ATP10B: variants seen among roughly 807,000 people sequenced by gnomAD.
The protein encoded by ATP10B is phospholipid-transporting ATPase VB.
Under a neutral mutation model 141.2 loss-of-function variants are expected in ATP10B, and 122 were observed. The observed-to-expected ratio is 0.86, with a 90% CI of 0.75 to 1.00. The LOEUF (loss-of-function observed/expected upper bound fraction) is 1.00. Ranked by LOEUF, ATP10B falls within the 50% of genes least tolerant of loss-of-function variation. The pLI is 0.00. For synonymous variants in ATP10B, 685 were observed against 692.0 expected, an observed-to-expected ratio of 0.99 and a Z score of 0.16; for missense variants, 1,876 against 1,825.3, an observed-to-expected ratio of 1.03 and a Z score of -0.51.
At chr5:160,646,047 T>G (rs1213202173) in intron 8 of ATP10B, among the ~76,000 whole-genome samples, 1 of 152,194 alleles carries the variant, frequency 6.6e-6, no homozygotes, top group African/African-American at 2.4e-5. Context: ...TGACTCTTTG[T>G]GGTCTGGGAA....
chr5:160,811,918 G>A (rs1365358112), intron 1 of ATP10B, among the ~76,000 whole-genome samples: 1 of 152,074 alleles, frequency 6.6e-6, no homozygotes, highest in Admixed American at 6.6e-5. Context: ...CTTCATGTCT[G>A]ACCCAGTGCA....
At chr5:160,894,917 A>T in the ATP10B span, among the ~76,000 whole-genome samples, 1 of 152,250 alleles carries the variant, frequency 6.6e-6, no homozygotes, top group Admixed American at 6.5e-5. Context: ...CTTAAGGAAA[A>T]GAATTGTCAT....
chr5:160,688,851 C>A lies in ATP10B; in HGVS notation c.-112G>T. 1.0e-6 allele frequency: 1 copy of A among 985,274 alleles called. No individual in the cohort carries two copies. The highest frequency in any genetic ancestry group is 1.2e-6 in the Non-Finnish European group (1 of 829,804). 61.0% of individuals were successfully genotyped at this position (985,274 alleles called of 1,614,324 possible). A position where few individuals can be genotyped will look rare whatever the true frequency, so the allele number is the denominator to read the frequency against. ...TTGTCCATGAGGTGACTGGGCTGTG[C>A]TACTGTCCAGTCAGCTGGCTTTTCT... is the stretch of plus-strand genomic sequence containing the variant. On this transcript the variant is annotated 5_prime_UTR_variant, in exon 4 of 26. Transcript: ENST00000327245.
intron 21 of ATP10B, among the ~76,000 whole-genome samples, chr5:160,601,401 G>A (rs1757091123): frequency 6.6e-6 from 1 of 152,144 alleles, no homozygotes; most frequent in Admixed American, 6.5e-5. Context: ...GAGTCAAATT[G>A]TTTGGAAATC....
At chr5:160,905,385 C>T in the ATP10B span, among the ~76,000 whole-genome samples, 3 of 152,138 alleles carry the variant, frequency 2.0e-5, no homozygotes, top group Non-Finnish European at 4.4e-5. Context: ...CTGCTTTTGG[C>T]CTGGGGCAAG....
At chr5:160,703,964 A>C (rs992418198) in intron 3 of ATP10B, among the ~76,000 whole-genome samples, 2 of 152,192 alleles carry the variant, frequency 1.3e-5, no homozygotes, top group African/African-American at 4.8e-5. Flanking sequence ...CACCAGGGGC[A>C]GTGTTAAGGA....
At chr5:160,763,685 C>T (rs1248387210) in intron 2 of ATP10B, among the ~76,000 whole-genome samples, 2 of 151,994 alleles carry the variant, frequency 1.3e-5, no homozygotes, top group Non-Finnish European at 2.9e-5. Flanking sequence ...AACCCAAACC[C>T]ATCAGAATAG....
the ATP10B span, among the ~76,000 whole-genome samples, chr5:160,925,465 C>T: frequency 1.2e-4 from 18 of 152,334 alleles, no homozygotes; most frequent in Admixed American, 8.5e-4. Context: ...TGCCCAAGGT[C>T]ACACAGCTAG....
intron 2 of ATP10B, among the ~76,000 whole-genome samples, chr5:160,767,017 A>T (rs1397220575): frequency 6.6e-6 from 1 of 152,028 alleles, no homozygotes; most frequent in Non-Finnish European, 1.5e-5. Context: ...TAGGTCAGGG[A>T]TGTCAAATCT....
At chr5:160,828,707 G>C (rs1262907796) in intron 1 of ATP10B, among the ~76,000 whole-genome samples, 1 of 151,868 alleles carries the variant, frequency 6.6e-6, no homozygotes, top group African/African-American at 2.4e-5. Flanking sequence ...CCATTACTGG[G>C]TATGTACCCA....
At position 160,788,711 on chromosome 5, in the gene ATP10B, C is replaced by A. The variant is rs186461220; in HGVS notation, c.-575-2908G>T. ...TTCTAATTTTTCTTCTCCTTTATCA[C>A]CATCCAACCACTATTTAGTGAATAG... On this transcript the variant is annotated intron_variant, in intron 1 of 25. Coordinates refer to ENST00000327245, the MANE Select transcript of ATP10B (RefSeq NM_025153.3). Among the ~76,000 whole-genome samples, 5 of 152,222 alleles carry A rather than the reference C, an allele frequency of 3.3e-5. No homozygotes were observed. The East Asian group carries it at 7.7e-4, about 24-fold the overall frequency.
chr5:160,613,207 C>T (rs985011158), intron 17 of ATP10B, among the ~76,000 whole-genome samples: 1 of 152,150 alleles, frequency 6.6e-6, no homozygotes, highest in Non-Finnish European at 1.5e-5. Context: ...TCAGGGTGGG[C>T]TTATGCTGAG....
At chr5:160,927,042 T>C in the ATP10B span, among the ~76,000 whole-genome samples, 1 of 152,200 alleles carries the variant, frequency 6.6e-6, no homozygotes, top group East Asian at 1.9e-4. Context: ...TAGAGAACAG[T>C]AGTTATTATT....
the ATP10B span, among the ~76,000 whole-genome samples, chr5:160,909,852 T>C: frequency 1.3e-5 from 2 of 152,166 alleles, no homozygotes; most frequent in African/African-American, 2.4e-5. Flanking sequence ...CTCCAAGGCC[T>C]CTGCTGACCG....
intron 2 of ATP10B, among the ~76,000 whole-genome samples, chr5:160,779,543 G>A (rs1410913401): frequency 6.6e-6 from 1 of 152,144 alleles, no homozygotes; most frequent in Non-Finnish European, 1.5e-5. Context: ...CAACAGCCTT[G>A]GAGGAACTGA....
rs551424221 is a variant in ATP10B at position 160,735,053 on chromosome 5, T to A, written c.-330-18019A>T. On this transcript the variant is annotated intron_variant, in intron 2 of 25. Transcript: ENST00000327245. ...TAATATCACCAGAGAAAATCATCTT[T>A]ACTAAAGGAAGACAGGAAAGAAAGA... 6.7e-5 allele frequency among the ~76,000 whole-genome samples: 10 copies of A among 149,856 alleles called. No individual in the cohort carries two copies. In the East Asian group the frequency reaches 2.0e-3, roughly 29 times the overall value.
chr5:160,704,157 T>C (rs1488559084), intron 3 of ATP10B, among the ~76,000 whole-genome samples: 1 of 152,132 alleles, frequency 6.6e-6, no homozygotes, highest in African/African-American at 2.4e-5. Flanking sequence ...TCCTGGGCGA[T>C]CCTCTCGCCT....
chr5:160,799,571 A>C (rs950733047), intron 1 of ATP10B, among the ~76,000 whole-genome samples: 2 of 152,188 alleles, frequency 1.3e-5, no homozygotes, highest in African/African-American at 4.8e-5. Context: ...GCGAGAGAGC[A>C]TGTTTCTTCT....
chr5:160,819,386 G>A (rs975634502), intron 1 of ATP10B, among the ~76,000 whole-genome samples: 3 of 152,052 alleles, frequency 2.0e-5, no homozygotes, highest in Non-Finnish European at 4.4e-5. Context: ...CAAAAGCTGA[G>A]GGATTTCATC....
Sources: gnomAD v4.1 joint callset for allele counts (sites outside exome capture counted in the v4.1 genomes callset) on GRCh38, gnomAD v4.1.1 for gene constraint, MANE v1.5 for transcripts, NCBI Gene and HGNC (gene_info 2026-07-23, HGNC 2026-07-21) for gene names.